The following ARMC2 variants were observed in gnomAD, a reference collection of about 807,000 sequenced individuals.
ARMC2 encodes armadillo repeat containing 2.
A neutral mutation model predicts 90.3 loss-of-function variants in ARMC2; 67 were observed. The ratio of observed to expected loss-of-function variants is 0.74; its 90% CI spans 0.61 to 0.91. The LOEUF is 0.91. ARMC2 is among the 40% of genes least tolerant of loss of function. The pLI is 0.00. For missense variants in ARMC2, 920 were observed against 1,030.9 expected (o/e 0.89, Z 1.47); for synonymous variants, 393 against 393.0 (o/e 1.00, Z 0.00).
chr6:109,001,559 C>T, the ARMC2 span: 1 of 1,295,992 alleles, frequency 7.7e-7, no homozygotes, highest in Non-Finnish European at 1.1e-6. Flanking sequence ...TATACATGCG[C>T]TACACTCTAA....
chr6:108,973,463 A>C lies in ARMC2; in HGVS notation c.2553A>C (p.Arg851=). The change falls in exon 18 of 18, where the codon CGA becomes CGC. Residue 851 remains arginine (R), a synonymous_variant. Transcript: ENST00000392644. ...FKPVAQQLLN[R]IQRHHTFLEP... ...CTGTGGCACAGCAGCTTCTAAACCG[A>C]ATTCAGAGACATCACACCTTCCTGG... 1 of 1,613,850 alleles carries C rather than the reference A, an allele frequency of 6.2e-7. No homozygotes were observed. The highest frequency in any genetic ancestry group is 8.5e-7 in the Non-Finnish European group (1 of 1,179,796).
At chr6:108,875,524 T>G (rs991838594) in intron 4 of ARMC2, among the ~76,000 whole-genome samples, 1 of 152,120 alleles carries the variant, frequency 6.6e-6, no homozygotes, top group Non-Finnish European at 1.5e-5. Flanking sequence ...GCTGGATGCC[T>G]CACTCCATAA....
At chr6:108,874,662 A>C (rs1776761766) in intron 4 of ARMC2, among the ~76,000 whole-genome samples, 1 of 151,980 alleles carries the variant, frequency 6.6e-6, no homozygotes, top group Non-Finnish European at 1.5e-5. Flanking sequence ...AGAGGTGGGG[A>C]CCATGGAAGG....
At chr6:108,857,306 A>G (rs1159586358) in intron 2 of ARMC2, among the ~76,000 whole-genome samples, 1 of 152,184 alleles carries the variant, frequency 6.6e-6, no homozygotes, top group Non-Finnish European at 1.5e-5. Context: ...ATAACTAAAT[A>G]TTTAGTTTTT....
Position 108,888,739 on chromosome 6 carries a change from A to G in ARMC2, c.672-5728A>G, listed in dbSNP as rs371782040. 2.0e-5 allele frequency among the ~76,000 whole-genome samples: 3 copies of G among 152,210 alleles called. No individual in the cohort carries two copies. In the South Asian group the frequency reaches 6.2e-4, roughly 32 times the overall value. Reference sequence around the variant, plus strand: ...GCTTCCCCTGCTATCCTATTCCTCCATGGCTACATTCTGTTATTTCCTCTG... The same window carrying G: ...GCTTCCCCTGCTATCCTATTCCTCCGTGGCTACATTCTGTTATTTCCTCTG... On this transcript the variant is annotated intron_variant, in intron 5 of 17. Coordinates refer to ENST00000392644, the MANE Select transcript of ARMC2 (RefSeq NM_032131.6).
chr6:108,922,415 GACCT>G (rs1774672538), intron 10 of ARMC2, among the ~76,000 whole-genome samples: 1 of 152,102 alleles, frequency 6.6e-6, no homozygotes, highest in Admixed American at 6.5e-5. Context: ...TGGGATTACA[GACCT>G]GAGCCACTGG....
rs115356039 is a variant in ARMC2, at chr6:108,952,483, T to C, written c.1597-550T>C. 9.3e-3 allele frequency among the ~76,000 whole-genome samples: 1,396 copies of C among 150,372 alleles called. 17 individuals are homozygous for C. Among genetic ancestry groups the C allele is most frequent in the African/African-American group, 0.03 (1,228 of 40,962 alleles). On this transcript the variant is annotated intron_variant, in intron 12 of 17. Transcript: ENST00000392644. ...TCTCCACAGGGGGCAATTTTGGCTG[T>C]CACATCTGGAGAGGTGTTGTCATCT...
intron 10 of ARMC2, among the ~76,000 whole-genome samples, chr6:108,921,954 G>A (rs1426244486): frequency 6.6e-6 from 1 of 152,144 alleles, no homozygotes; most frequent in Non-Finnish European, 1.5e-5. Flanking sequence ...CTGAGGCCAG[G>A]GCACTAGCCT....
rs1051767317 is a variant in ARMC2, at chr6:108,973,921, C to T, written c.*407C>T. ...AAGGGTAGGCAACATGAGTGGAACA[C>T]GTTACAACATAGGATCTGTACTAAT... On this transcript the variant is annotated 3_prime_UTR_variant, in exon 18 of 18. Transcript: ENST00000392644. 3.2e-5 allele frequency: 5 copies of T among 157,610 alleles called. No individual in the cohort carries two copies. The highest frequency in any genetic ancestry group is 2.5e-4 in the Admixed American group (4 of 16,180). The allele number at this position is 157,610 out of a possible 1,614,324, so 9.8% of individuals were successfully genotyped here.
intron 12 of ARMC2, among the ~76,000 whole-genome samples, chr6:108,942,455 T>C (rs145779423): frequency 2.5e-3 from 385 of 152,308 alleles, no homozygotes; most frequent in African/African-American, 8.9e-3. Flanking sequence ...TTTTTCCTCT[T>C]AATGTTCTGA....
chr6:108,871,289 CA>C (rs924719282), intron 4 of ARMC2, among the ~76,000 whole-genome samples: 2 of 152,186 alleles, frequency 1.3e-5, no homozygotes, highest in Admixed American at 6.5e-5. Flanking sequence ...TAGGGTTTAC[CA>C]AAGGGAGAGA....
At chr6:108,981,749 C>G in the ARMC2 span, among the ~76,000 whole-genome samples, 735 of 152,066 alleles carry the variant, frequency 4.8e-3, 5 homozygotes, top group Middle Eastern at 0.014. Flanking sequence ...CTCACTGCAA[C>G]CTCCGCTTCC....
chr6:108,937,796 G>A (rs1410836521), intron 12 of ARMC2, among the ~76,000 whole-genome samples: 7 of 152,068 alleles, frequency 4.6e-5, no homozygotes, highest in African/African-American at 1.7e-4. Flanking sequence ...CTGGGTTCAC[G>A]CCATTCTGCC....
the ARMC2 span, among the ~76,000 whole-genome samples, chr6:109,027,284 C>T: frequency 2.0e-5 from 3 of 151,748 alleles, no homozygotes; most frequent in Non-Finnish European, 1.5e-5. Flanking sequence ...ACCAGTCTGG[C>T]CAACATGGTG....
the ARMC2 span, among the ~76,000 whole-genome samples, chr6:109,007,043 G>A: frequency 9.9e-5 from 15 of 152,266 alleles, no homozygotes; most frequent in East Asian, 2.9e-3. Flanking sequence ...GTGAAGGTGT[G>A]GCTGGAAGAT....
At chr6:108,989,004 AG>A in the ARMC2 span, among the ~76,000 whole-genome samples, 3 of 152,162 alleles carry the variant, frequency 2.0e-5, no homozygotes, top group South Asian at 6.2e-4. Flanking sequence ...AGCCACACTG[AG>A]GAACAAACTA....
chr6:108,935,399 T>C lies in ARMC2; in HGVS notation c.1497-1501T>C, dbSNP rs190530086. On this transcript the variant is annotated intron_variant, in intron 11 of 17. Transcript: ENST00000392644. ...TCAGCCTCCTTAAACCTATAAATTTTCCTCTAAATACTAATTAGAGGAAAT... is the reference window on the plus strand; with the variant it reads ...TCAGCCTCCTTAAACCTATAAATTTCCCTCTAAATACTAATTAGAGGAAAT... 8.7e-4 allele frequency among the ~76,000 whole-genome samples: 132 copies of C among 152,288 alleles called. 1 individual carries two copies. The highest frequency in any genetic ancestry group is 3.1e-3 in the African/African-American group (128 of 41,562).
At chr6:108,988,711 TATG>T in the ARMC2 span, 89 of 1,566,282 alleles carry the variant, frequency 5.7e-5, 2 homozygotes, top group South Asian at 8.1e-4. Flanking sequence ...TAATGAGAAT[TATG>T]ATATTTTCAG....
At chr6:108,967,317 T>C (rs1778441535) in intron 17 of ARMC2, among the ~76,000 whole-genome samples, 1 of 152,174 alleles carries the variant, frequency 6.6e-6, no homozygotes, top group African/African-American at 2.4e-5. Context: ...TGACAGGCTA[T>C]CTGTGGTTTC....
Sources: allele counts gnomAD v4.1 joint callset (sites outside exome capture counted in the v4.1 genomes callset), GRCh38; gene constraint gnomAD v4.1.1; transcripts MANE v1.5; gene names NCBI Gene and HGNC (gene_info 2026-07-23, HGNC 2026-07-21).